Variants in DNM2 observed in about 807,000 individuals in gnomAD.
The protein encoded by DNM2 is dynamin 2, also known as dynamin-2.
A neutral mutation model predicts 99.0 loss-of-function variants in DNM2; 15 were observed. The ratio of observed to expected loss-of-function variants is 0.15; its 90% CI spans 0.10 to 0.23. The LOEUF is 0.23. DNM2 is among the 10% of genes least tolerant of loss of function. The probability of loss-of-function intolerance (pLI) is 1.00; values close to 1 mark genes in which losing one functional copy is unlikely to be tolerated. For synonymous variants in DNM2, 525 were observed against 481.2 expected (o/e 1.09, Z -1.19); for missense variants, 742 against 1,189.4 (o/e 0.62, Z 5.53).
intron 2 of DNM2, among the ~76,000 whole-genome samples, chr19:10,770,135 C>T (rs1290287571): frequency 6.6e-6 from 1 of 152,190 alleles, no homozygotes; most frequent in Non-Finnish European, 1.5e-5. Context: ...GTAGTTTCTT[C>T]GGTTGCCATG....
chr19:10,738,932 G>A (rs1045574363), intron 1 of DNM2, among the ~76,000 whole-genome samples: 1 of 151,294 alleles, frequency 6.6e-6, no homozygotes, highest in African/African-American at 2.4e-5. Context: ...ACTTTGGGAG[G>A]CCGAGGTGGG....
At chr19:10,813,693 G>T (rs575260453) in intron 15 of DNM2, among the ~76,000 whole-genome samples, 1 of 151,978 alleles carries the variant, frequency 6.6e-6, no homozygotes, top group Non-Finnish European at 1.5e-5. Flanking sequence ...GGGCATGGTG[G>T]TGCATACCTG....
intron 7 of DNM2, among the ~76,000 whole-genome samples, chr19:10,790,569 C>A (rs1391035649): frequency 6.6e-6 from 1 of 152,102 alleles, no homozygotes; most frequent in Non-Finnish European, 1.5e-5. Flanking sequence ...CAGGTTCAAG[C>A]GATTCTCCTG....
At chr19:10,749,222 G>C (rs1005662911) in intron 1 of DNM2, among the ~76,000 whole-genome samples, 1 of 152,180 alleles carries the variant, frequency 6.6e-6, no homozygotes, top group Non-Finnish European at 1.5e-5. Flanking sequence ...AGCCTGCATC[G>C]TTCCTGCACG....
rs1368280285 is a variant in DNM2 at position 10,830,374 on chromosome 19, C to T, written c.2539C>T (p.Pro847Ser). Residue 847 changes from proline to serine, a missense_variant, in exon 20 of 21, where the codon CCC (proline) becomes TCC (serine). This residue lies in a region of DNM2 where 187 missense variants were observed against 218.8 expected (regional missense o/e 0.85). Coordinates refer to ENST00000389253, the MANE Select transcript of DNM2 (RefSeq NM_001005361.3). The surrounding 1 kb of genome is among the most constrained non-coding windows in gnomAD (Gnocchi z 4.8). The part of the protein sequence containing the change: ...RIPPGIPPGV[P>S]SRRPPAAPSR... ...CCCCCCAGGGATTCCCCCAGGAGTGCCCAGGTAAGGCCAACCCCCTGCCCT... is the reference window on the plus strand; with the variant it reads ...CCCCCCAGGGATTCCCCCAGGAGTGTCCAGGTAAGGCCAACCCCCTGCCCT... The T allele has an allele frequency of 6.2e-7, 1 of 1,609,990 alleles. No homozygotes were observed. The highest frequency in any genetic ancestry group is 1.7e-5 in the Admixed American group (1 of 59,994).
chr19:10,788,736 C>T (rs2071650828), intron 7 of DNM2, among the ~76,000 whole-genome samples: 1 of 152,196 alleles, frequency 6.6e-6, no homozygotes. Flanking sequence ...CTGCCTCTGA[C>T]CTTTTGGCTT....
chr19:10,790,563 T>C (rs2071718184), intron 7 of DNM2, among the ~76,000 whole-genome samples: 1 of 152,044 alleles, frequency 6.6e-6, no homozygotes, highest in African/African-American at 2.4e-5. Context: ...ACCTCCCAGG[T>C]TCAAGCGATT....
intron 1 of DNM2, among the ~76,000 whole-genome samples, chr19:10,724,303 G>A (rs2069040190): frequency 6.6e-6 from 1 of 151,984 alleles, no homozygotes; most frequent in Non-Finnish European, 1.5e-5. Flanking sequence ...TCAGCCTCCC[G>A]AGTAGCTGGG....
At position 10,718,088 on chromosome 19, in the gene DNM2, A is replaced by C. The variant is rs2068813378; in HGVS notation, c.-155A>C. ...GGGTCGGGTGTCGCCTGAGAACCGG[A>C]TGAGGCGGCGACCGTGAGGCCGAGC... is the stretch of plus-strand genomic sequence containing the variant. On this transcript the variant is annotated 5_prime_UTR_variant, in exon 1 of 21. It removes an upstream start codon present in the reference 5' UTR. Transcript: ENST00000389253. The C allele has an allele frequency of 1.1e-6, 1 of 894,970 alleles. No homozygotes were observed. Among genetic ancestry groups the C allele is most frequent in the Admixed American group, 4.5e-5 (1 of 22,070 alleles). 55.4% of individuals were successfully genotyped at this position (894,970 alleles called of 1,614,324 possible).
intron 1 of DNM2, among the ~76,000 whole-genome samples, chr19:10,739,758 G>C (rs2069669978): frequency 6.6e-6 from 1 of 150,772 alleles, no homozygotes. Flanking sequence ...CTGGGTGGCT[G>C]AGGCACGAGA....
chr19:10,771,279 CTG>C (rs1476871159), intron 2 of DNM2, among the ~76,000 whole-genome samples: 2 of 152,232 alleles, frequency 1.3e-5, no homozygotes, highest in African/African-American at 2.4e-5. Context: ...TGTCCTCAAT[CTG>C]TGATTCGGGA....
chr19:10,790,560 A>G (rs1446588383), intron 7 of DNM2, among the ~76,000 whole-genome samples: 1 of 152,058 alleles, frequency 6.6e-6, no homozygotes, highest in East Asian at 1.9e-4. Flanking sequence ...GCAACCTCCC[A>G]GGTTCAAGCG....
At chr19:10,827,128 CCT>C (rs1219531783) in intron 18 of DNM2, among the ~76,000 whole-genome samples, 1 of 152,142 alleles carries the variant, frequency 6.6e-6, no homozygotes, top group African/African-American at 2.4e-5. Context: ...GCCCTCCCAC[CCT>C]GTTGCTCCCA....
rs1049980737 is a variant in DNM2 at position 10,795,636 on chromosome 19, A to G, written c.1196+197A>G. ...GTGGATGTGTCTTAGTCCTGCGTCC[A>G]TTGCAGGCTTCAGGGCTGTCTGCAG... On this transcript the variant is annotated intron_variant, in intron 9 of 20. Coordinates refer to ENST00000389253, the MANE Select transcript of DNM2 (RefSeq NM_001005361.3). This position sits in a 1 kb window ranked among gnomAD's most constrained non-coding sequence, Gnocchi z 4.2. 2.8e-5 allele frequency: 18 copies of G among 641,036 alleles called. No individual in the cohort carries two copies. In the Admixed American group the frequency reaches 3.0e-4, roughly 11 times the overall value. 39.7% of individuals were successfully genotyped at this position (641,036 alleles called of 1,614,324 possible). A position where few individuals can be genotyped will look rare whatever the true frequency, so the allele number is the denominator to read the frequency against.
chr19:10,729,846 G>A (rs898715038), intron 1 of DNM2, among the ~76,000 whole-genome samples: 1 of 151,986 alleles, frequency 6.6e-6, no homozygotes, highest in African/African-American at 2.4e-5. Context: ...TAGAGAATAC[G>A]TGGCACCATT....
intron 17 of DNM2, chr19:10,824,745 GCTGCGGTGAA>G (rs2073087596): frequency 2.4e-6 from 1 of 416,026 alleles, no homozygotes; most frequent in Admixed American, 3.6e-5. Flanking sequence ...GGAGGTTGAG[GCTGCGGTGAA>G]CTGTGTTTGT....
intron 14 of DNM2, 124 bp downstream of exon 14, chr19:10,808,704 A>C (rs2072439715): frequency 2.4e-6 from 3 of 1,255,902 alleles, no homozygotes; most frequent in Non-Finnish European, 3.4e-6. Flanking sequence ...AAATCGAGCT[A>C]ACCTGGAAAC....
rs58263525 is a variant in DNM2 at position 10,794,344 on chromosome 19, C to CGTGTGTGTGTGTGTGT, written c.1128+509_1128+524dup. Among the ~76,000 whole-genome samples the CGTGTGTGTGTGTGTGT allele has an allele frequency of 2.5e-3, 354 of 141,690 alleles. 2 individuals are homozygous for CGTGTGTGTGTGTGTGT. Among genetic ancestry groups the CGTGTGTGTGTGTGTGT allele is most frequent in the East Asian group, 0.011 (53 of 4,812 alleles). The allele number at this position is 141,690 out of a possible 152,430, so 93.0% of individuals were successfully genotyped here. A position where few individuals can be genotyped will look rare whatever the true frequency, so the allele number is the denominator to read the frequency against. On this transcript the variant is annotated intron_variant, in intron 8 of 20. Transcript: ENST00000389253. ...TGCTAGGATTTGGGACTTCTTTTTC[C>CGTGTGTGTGTGTGTGT]GTGTGTGTGTGTGTGTGTGTGTGTG...
chr19:10,785,973 A>AT (rs1482722201), intron 6 of DNM2, among the ~76,000 whole-genome samples: 3 of 151,534 alleles, frequency 2.0e-5, no homozygotes, highest in African/African-American at 7.3e-5. Context: ...TAATTTTTGT[A>AT]TTTTTTGGTA....
Sources: gnomAD v4.1 joint callset for allele counts (sites outside exome capture counted in the v4.1 genomes callset) on GRCh38, gnomAD v4.1.1 for gene constraint, gnomAD v4.1.1 regional missense constraint, Gnocchi (gnomAD v3.1) non-coding constraint, MANE v1.5 for transcripts, NCBI Gene and HGNC (gene_info 2026-07-23, HGNC 2026-07-21) for gene names.